VWF: variants seen among roughly 807,000 people sequenced by gnomAD.
VWF encodes the protein von Willebrand factor.
In VWF, 176 loss-of-function variants were observed where a neutral mutation model predicts 308.6. The observed-to-expected ratio is 0.57, with a 90% CI of 0.50 to 0.65. The LOEUF (loss-of-function observed/expected upper bound fraction) is 0.65, where lower values mean the gene tolerates loss of function less well. Ranked by LOEUF, VWF falls within the 30% of genes least tolerant of loss-of-function variation. The pLI is 0.00. For missense variants in VWF, 3,146 were observed against 3,648.2 expected (o/e 0.86, Z 3.55); for synonymous variants, 1,385 against 1,443.4 (o/e 0.96, Z 0.92).
Position 6,075,070 on chromosome 12 carries a change from T to G in VWF, c.874+265A>C, listed in dbSNP as rs796213391. Among the ~76,000 whole-genome samples, 21 of 136,864 alleles carry G rather than the reference T, an allele frequency of 1.5e-4. No individual in the cohort carries two copies. Among genetic ancestry groups the G allele is most frequent in the African/African-American group, 5.3e-4 (19 of 35,580 alleles). 89.8% of individuals were successfully genotyped at this position (136,864 alleles called of 152,430 possible). A position where few individuals can be genotyped will look rare whatever the true frequency, so the allele number is the denominator to read the frequency against. On this transcript the variant is annotated intron_variant, in intron 7 of 51. Transcript: ENST00000261405. The surrounding 1 kb of genome is among the most constrained non-coding windows in gnomAD (Gnocchi z 4.7). ...ACTGTGTGAGTGCAGGGGTCGGATT[T>G]CCTGAGGGAAGTCAGGGGGCGCCAG...
chr12:6,106,195 C>T (rs1375488376), intron 5 of VWF, among the ~76,000 whole-genome samples: 1 of 152,152 alleles, frequency 6.6e-6, no homozygotes, highest in Non-Finnish European at 1.5e-5. Context: ...GGTCTGTATG[C>T]ACAATGAAAT....
In VWF at chr12:6,071,155, G is replaced by C. The variant is rs1042984626; in HGVS notation, c.1156+142C>G. ...TAGCTGGTACCTGAAACCAGAGCTG[G>C]GGTCACGTGGTTGCAGCCAACCTGT... On this transcript the variant is annotated intron_variant, in intron 10 of 51. Transcript: ENST00000261405. 7.9e-6 allele frequency: 7 copies of C among 883,474 alleles called. No individual in the cohort carries two copies. In the African/African-American group the frequency reaches 8.2e-5, roughly 10 times the overall value. 54.7% of individuals were successfully genotyped at this position (883,474 alleles called of 1,614,324 possible).
intron 20 of VWF, among the ~76,000 whole-genome samples, chr12:6,032,841 TAC>T (rs777934804): frequency 6.7e-6 from 1 of 150,116 alleles, no homozygotes; most frequent in Admixed American, 6.7e-5. Context: ...TGCTCACACA[TAC>T]ACAGATGCAC....
chr12:5,967,597 C>T lies in VWF; in HGVS notation c.7776G>A (p.Gly2592=), dbSNP rs760572511. ...CMLNGTVIGP[G]KTVMIDVCTT... ...TGCACACATCGATCATCACAGTCTTCCCGGGCTGGAAGCAGAGGCACCAGG... is the reference window on the plus strand; with the variant it reads ...TGCACACATCGATCATCACAGTCTTTCCGGGCTGGAAGCAGAGGCACCAGG... The change falls in exon 47 of 52, where the codon GGG becomes GGA. Residue 2592 remains glycine (G), a synonymous_variant. Transcript: ENST00000261405. The T allele has an allele frequency of 6.2e-7, 1 of 1,613,714 alleles. No homozygotes were observed. Among genetic ancestry groups the T allele is most frequent in the East Asian group, 2.2e-5 (1 of 44,868 alleles).
At chr12:6,117,110 G>A (rs922407305) in intron 3 of VWF, among the ~76,000 whole-genome samples, 1 of 152,124 alleles carries the variant, frequency 6.6e-6, no homozygotes, top group African/African-American at 2.4e-5. Context: ...TTAGCAGCAC[G>A]GTTTTGGTGA....
chr12:6,032,705 CA>C (rs1299249080), intron 20 of VWF, among the ~76,000 whole-genome samples: 2 of 151,950 alleles, frequency 1.3e-5, no homozygotes. Context: ...TAACACTGAG[CA>C]AACCACTTAC....
intron 47 of VWF, among the ~76,000 whole-genome samples, chr12:5,963,504 T>C (rs1943341810): frequency 6.6e-6 from 1 of 152,126 alleles, no homozygotes; most frequent in African/African-American, 2.4e-5. Flanking sequence ...CAAGCATTGG[T>C]GAGGAAGTAA....
At chr12:6,083,933 C>G (rs1358908887) in intron 6 of VWF, among the ~76,000 whole-genome samples, 1 of 152,278 alleles carries the variant, frequency 6.6e-6, no homozygotes, top group South Asian at 2.1e-4. Context: ...CTTGAGCCGG[C>G]GTTTTGGTGC....
chr12:5,986,047 C>A (rs185939668), intron 38 of VWF, among the ~76,000 whole-genome samples: 2 of 152,180 alleles, frequency 1.3e-5, no homozygotes, highest in East Asian at 3.8e-4. Context: ...TGACTTCAGA[C>A]AATAGGGTAG....
chr12:5,993,407 C>T (rs1186436319), intron 37 of VWF, among the ~76,000 whole-genome samples: 1 of 152,134 alleles, frequency 6.6e-6, no homozygotes, highest in Non-Finnish European at 1.5e-5. Context: ...ACTTGCACTT[C>T]AAAATCCTGC....
Position 6,075,581 on chromosome 12 carries a change from T to A in VWF, c.658-30A>T, listed in dbSNP as rs1944833659. Reference sequence around the variant, plus strand: ...AGGAAGAGGGGCCGCCTCAGCGGTATGCTCCGTTAGTGTCTCCCTGAGTGT... The same window carrying A: ...AGGAAGAGGGGCCGCCTCAGCGGTAAGCTCCGTTAGTGTCTCCCTGAGTGT... On this transcript the variant is annotated intron_variant, in intron 6 of 51. Transcript: ENST00000261405. The surrounding 1 kb of genome is among the most constrained non-coding windows in gnomAD (Gnocchi z 4.7). The A allele has an allele frequency of 1.2e-6, 2 of 1,600,820 alleles. No individual in the cohort carries two copies.
At chr12:5,996,460 T>C (rs1345210366) in intron 34 of VWF, among the ~76,000 whole-genome samples, 2 of 152,140 alleles carry the variant, frequency 1.3e-5, no homozygotes, top group Non-Finnish European at 2.9e-5. Context: ...TCCTGTTACA[T>C]AAAATGTGGC....
chr12:5,991,443 A>G (rs1388334438), intron 38 of VWF, among the ~76,000 whole-genome samples: 1 of 152,214 alleles, frequency 6.6e-6, no homozygotes, highest in African/African-American at 2.4e-5. Context: ...TAGCACAATC[A>G]AGGTACATAA....
intron 5 of VWF, chr12:6,095,867 T>C (rs1003564289): frequency 7.1e-6 from 3 of 420,538 alleles, no homozygotes; most frequent in Non-Finnish European, 1.3e-5. Context: ...GGCCCCCATA[T>C]TGATGCATAG....
In VWF at chr12:6,019,288, G is replaced by A. The variant is rs141211612; in HGVS notation, c.4130C>T (p.Ala1377Val). 1.2e-4 allele frequency: 196 copies of A among 1,613,890 alleles called. No individual in the cohort carries two copies. In the African/African-American group the frequency reaches 2.3e-3, roughly 19 times the overall value. Reference sequence around the variant, plus strand: ...CATCAGGAGCAGGGTGATGCGGGAGGCTTCAGGGCGGTCGATCTTGCTGAA... The same window carrying A: ...CATCAGGAGCAGGGTGATGCGGGAGACTTCAGGGCGGTCGATCTTGCTGAA... ...QIFSKIDRPEASRITLLLMAS... is the reference protein window; with the variant it reads ...QIFSKIDRPEVSRITLLLMAS... The change falls in exon 28 of 52, where the codon GCC becomes GTC. Residue 1377 changes from alanine to valine, a missense_variant. This residue lies in a region of VWF where 853 missense variants were observed against 1,177.8 expected (regional missense o/e 0.72). Coordinates refer to ENST00000261405, the MANE Select transcript of VWF (RefSeq NM_000552.5). The surrounding 1 kb of genome is among the most constrained non-coding windows in gnomAD (Gnocchi z 5.8).
chr12:5,971,358 T>C (rs530799926), intron 44 of VWF, among the ~76,000 whole-genome samples: 38 of 152,292 alleles, frequency 2.5e-4, no homozygotes, highest in Non-Finnish European at 4.9e-4. Context: ...TGAGAGAGCA[T>C]GAATCCCCCT....
chr12:6,018,557 C>T lies in VWF; in HGVS notation c.4861G>A (p.Gly1621Arg), dbSNP rs1437392509. ...CCAATGGGCACCACCTGGATGTCTC[C>T]AGGCAGCCTCTTGATCTCATCAGAG... Reference protein sequence around the residue: ...PASDEIKRLPGDIQVVPIGVG... With the variant: ...PASDEIKRLPRDIQVVPIGVG... The change falls in exon 28 of 52, where the codon GGA becomes AGA. Residue 1621 changes from glycine (G) to arginine (R), a missense_variant. Gly to Arg is a moderately radical substitution (Grantham distance 125, BLOSUM62 -2). Transcript: ENST00000261405. 1.9e-6 allele frequency: 3 copies of T among 1,614,014 alleles called. No homozygotes were observed. The highest frequency in any genetic ancestry group is 1.3e-5 in the African/African-American group (1 of 75,032).
chr12:6,010,716 T>C (rs1394908556), intron 34 of VWF, among the ~76,000 whole-genome samples: 30 of 152,240 alleles, frequency 2.0e-4, no homozygotes, highest in Admixed American at 1.3e-3. Flanking sequence ...GATATGCTTT[T>C]AATCACAAAA....
intron 6 of VWF, among the ~76,000 whole-genome samples, chr12:6,085,267 C>A (rs2136485842): frequency 6.6e-6 from 1 of 152,302 alleles, no homozygotes; most frequent in African/African-American, 2.4e-5. Flanking sequence ...CTGCTCCCAG[C>A]AAGAAAAAAG....
Sources: gnomAD v4.1 joint callset for allele counts (sites outside exome capture counted in the v4.1 genomes callset) on GRCh38, gnomAD v4.1.1 for gene constraint, gnomAD v4.1.1 regional missense constraint, Gnocchi (gnomAD v3.1) non-coding constraint, MANE v1.5 for transcripts, NCBI Gene and HGNC (gene_info 2026-07-23, HGNC 2026-07-21) for gene names.